CNIH3: variants seen among roughly 807,000 people sequenced by gnomAD.
The protein encoded by CNIH3 is protein cornichon homolog 3.
Under a neutral mutation model 24.1 loss-of-function variants are expected in CNIH3, and 14 were observed. The ratio of observed to expected loss-of-function variants is 0.58; its 90% CI spans 0.38 to 0.91. The LOEUF (loss-of-function observed/expected upper bound fraction) is 0.91, where lower values mean the gene tolerates loss of function less well. CNIH3 is among the 40% of genes least tolerant of loss of function. The pLI, the probability that CNIH3 is intolerant of heterozygous loss-of-function variation, is 0.00. For synonymous variants in CNIH3, 68 were observed against 73.8 expected, an observed-to-expected ratio of 0.92 and a Z score of 0.40; for missense variants, 178 against 196.8, an observed-to-expected ratio of 0.90 and a Z score of 0.57.
downstream of CNIH3, among the ~76,000 whole-genome samples, chr1:224,589,596 A>G (rs542322121): frequency 6.6e-6 from 1 of 152,308 alleles, no homozygotes; most frequent in South Asian, 2.1e-4. Context: ...GCTTAATGTG[A>G]TATTTCTGTC....
chr1:224,505,578 G>A (rs768523826), intron 1 of CNIH3, among the ~76,000 whole-genome samples: 5 of 152,098 alleles, frequency 3.3e-5, no homozygotes, highest in Non-Finnish European at 7.4e-5. Context: ...AACCCCTAGG[G>A]TAGGTGTAAT....
At chr1:224,546,070 T>C (rs1558147930) in intron 2 of CNIH3, among the ~76,000 whole-genome samples, 1 of 152,172 alleles carries the variant, frequency 6.6e-6, no homozygotes, top group Non-Finnish European at 1.5e-5. Context: ...CATTTTAACT[T>C]AATTACCTCT....
At chr1:224,593,138 C>T (rs893860132), downstream of CNIH3, among the ~76,000 whole-genome samples, 1 of 151,600 alleles carries the variant, frequency 6.6e-6, no homozygotes, top group African/African-American at 2.4e-5. Context: ...ATGTTACTTC[C>T]TCTTCTTTTT....
At chr1:224,588,889 T>C (rs1681621785), downstream of CNIH3, among the ~76,000 whole-genome samples, 1 of 128,492 alleles carries the variant, frequency 7.8e-6, no homozygotes, top group Non-Finnish European at 1.6e-5. Context: ...AAGGCTGGCC[T>C]TCAAAGTTTC....
At chr1:224,472,648 G>T (rs889612387) in intron 1 of CNIH3, among the ~76,000 whole-genome samples, 2 of 152,158 alleles carry the variant, frequency 1.3e-5, no homozygotes, top group Non-Finnish European at 2.9e-5. Flanking sequence ...AAGGATTGAG[G>T]ATGGTGAGGG....
intron 1 of CNIH3, among the ~76,000 whole-genome samples, chr1:224,484,255 C>T (rs1676938824): frequency 6.6e-6 from 1 of 151,698 alleles, no homozygotes; most frequent in South Asian, 2.1e-4. Flanking sequence ...ACGGTGAAAC[C>T]CTGTCTATAC....
intron 2 of CNIH3, among the ~76,000 whole-genome samples, chr1:224,526,896 C>T (rs1164460752): frequency 2.0e-5 from 3 of 151,996 alleles, no homozygotes; most frequent in Admixed American, 1.3e-4. Context: ...AAGAGAGAAG[C>T]GGAGAGGGGG....
chr1:224,668,053 A>G lies in CNIH3; in HGVS notation c.82-12905A>G, dbSNP rs146487835. 1.4e-3 allele frequency among the ~76,000 whole-genome samples: 220 copies of G among 152,352 alleles called. 1 individual carries two copies. The highest frequency in any genetic ancestry group is 5.1e-3 in the African/African-American group (212 of 41,576). On this transcript the variant is annotated intron_variant, in intron 1 of 5. Coordinates refer to ENST00000272133, the MANE Select transcript of CNIH3 (RefSeq NM_152495.2). ...ATTTTGTAAGAACACAAGGAACAGA[A>G]AGATAGACATGAAACATAAACCAAT... is the stretch of plus-strand genomic sequence containing the variant.
At chr1:224,696,796 GTA>G (rs397983011) in intron 3 of CNIH3, among the ~76,000 whole-genome samples, 3 of 147,748 alleles carry the variant, frequency 2.0e-5, no homozygotes, top group African/African-American at 4.9e-5. Context: ...GTGTGTGTGT[GTA>G]TGTGGTGTGT....
intron 1 of CNIH3, among the ~76,000 whole-genome samples, chr1:224,477,994 C>T (rs1676655022): frequency 6.6e-6 from 1 of 152,186 alleles, no homozygotes; most frequent in Non-Finnish European, 1.5e-5. Flanking sequence ...ACCACTCTCT[C>T]CTGGCCTGTA....
chr1:224,507,258 G>A lies in CNIH3; in HGVS notation n.204-8483G>A, dbSNP rs149639346. ...AGCAACCCAGAAAAGAGCGGTGCACGAGGCCAGGTGTTGTTAAGACACAGA... is the reference window on the plus strand; with the variant it reads ...AGCAACCCAGAAAAGAGCGGTGCACAAGGCCAGGTGTTGTTAAGACACAGA... On this transcript the variant is annotated intron_variant and non_coding_transcript_variant, in intron 1 of 5. Transcript: ENST00000471578. Among the ~76,000 whole-genome samples, 139 of 152,300 alleles carry A rather than the reference G, an allele frequency of 9.1e-4. 1 individual carries two copies. The highest frequency in any genetic ancestry group is 3.3e-3 in the African/African-American group (136 of 41,560).
downstream of CNIH3, among the ~76,000 whole-genome samples, chr1:224,588,778 A>G (rs1427092558): frequency 6.6e-6 from 1 of 151,650 alleles, no homozygotes; most frequent in Non-Finnish European, 1.5e-5. Context: ...ACACTTACTT[A>G]TTTCTTAGCT....
At chr1:224,689,553 G>A (rs1158563941) in intron 3 of CNIH3, among the ~76,000 whole-genome samples, 3 of 152,180 alleles carry the variant, frequency 2.0e-5, no homozygotes, top group African/African-American at 4.8e-5. Flanking sequence ...TCTGAGTTCC[G>A]ATTCCCAAGC....
At chr1:224,563,076 C>T (rs1346889503) in intron 3 of CNIH3, among the ~76,000 whole-genome samples, 1 of 152,032 alleles carries the variant, frequency 6.6e-6, no homozygotes, top group Non-Finnish European at 1.5e-5. Flanking sequence ...AGTGGTTTTA[C>T]ATAATATAGG....
At chr1:224,735,898 C>A (rs1689571678) in intron 5 of CNIH3, among the ~76,000 whole-genome samples, 1 of 151,344 alleles carries the variant, frequency 6.6e-6, no homozygotes, top group Non-Finnish European at 1.5e-5. Context: ...ACTCTTGGGC[C>A]CAAGTGACCC....
intron 3 of CNIH3, among the ~76,000 whole-genome samples, chr1:224,720,526 C>G (rs1688665495): frequency 6.6e-6 from 1 of 152,064 alleles, no homozygotes. Flanking sequence ...TCCCTTTGCT[C>G]TGGGCTGGGT....
intron 1 of CNIH3, among the ~76,000 whole-genome samples, chr1:224,460,857 ACTC>A (rs1410412688): frequency 5.3e-5 from 8 of 150,900 alleles, no homozygotes; most frequent in Non-Finnish European, 1.0e-4. Flanking sequence ...ATGGCCTTAA[ACTC>A]CTGGGCACAA....
At chr1:224,552,621 C>G (rs938764133) in intron 3 of CNIH3, among the ~76,000 whole-genome samples, 23 of 151,626 alleles carry the variant, frequency 1.5e-4, no homozygotes, top group African/African-American at 5.6e-4. Flanking sequence ...ACAGGGTGTA[C>G]ACCAACTGTG....
intron 1 of CNIH3, chr1:224,661,825 AT>A: frequency 4.7e-6 from 1 of 211,334 alleles, no homozygotes. Context: ...CTGATATGTC[AT>A]TTTAATATCC....
Sources: allele counts gnomAD v4.1 joint callset (sites outside exome capture counted in the v4.1 genomes callset), GRCh38; gene constraint gnomAD v4.1.1; transcripts MANE v1.5; gene names NCBI Gene and HGNC (gene_info 2026-07-23, HGNC 2026-07-21).